Variants in TUSC3 observed in about 807,000 individuals in gnomAD.
TUSC3 encodes tumor suppressor candidate 3.
A neutral mutation model predicts 44.8 loss-of-function variants in TUSC3; 45 were observed. That is an observed-to-expected ratio of 1.00 (90% CI 0.79 to 1.29). The LOEUF (loss-of-function observed/expected upper bound fraction) is 1.29, where lower values mean the gene tolerates loss of function less well. TUSC3 is among the 50% of genes most tolerant of loss of function. The probability of loss-of-function intolerance (pLI) is 0.00; values close to 1 mark genes in which losing one functional copy is unlikely to be tolerated. For synonymous variants in TUSC3, 212 were observed against 152.9 expected (o/e 1.39, Z -2.85); for missense variants, 519 against 437.9 (o/e 1.19, Z -1.65).
At chr8:15,595,730 A>C (rs772552227) in intron 1 of TUSC3, among the ~76,000 whole-genome samples, 15 of 152,174 alleles carry the variant, frequency 9.9e-5, no homozygotes, top group African/African-American at 3.4e-4. Flanking sequence ...GTGTAATACA[A>C]TGTAGCACTT....
intron 7 of TUSC3, among the ~76,000 whole-genome samples, chr8:15,735,497 A>G (rs900291773): frequency 3.3e-5 from 5 of 152,246 alleles, no homozygotes; most frequent in African/African-American, 1.2e-4. Flanking sequence ...GCTTAAGATC[A>G]TAAAGCCAAT....
chr8:15,521,600 C>T lies in TUSC3; in HGVS notation n.189+38117C>T, dbSNP rs1005736525. 5.4e-5 allele frequency among the ~76,000 whole-genome samples: 8 copies of T among 148,028 alleles called. No individual in the cohort carries two copies. The East Asian group carries it at 5.8e-4, about 11-fold the overall frequency. ...CACACATAAAATACAGTAACACAAA[C>T]GATAGGTAATTACCCCCCCCAAAAA... On this transcript the variant is annotated intron_variant and non_coding_transcript_variant, in intron 2 of 5. Transcript: ENST00000503191.
At chr8:15,602,391 A>C (rs1804326970) in intron 1 of TUSC3, among the ~76,000 whole-genome samples, 1 of 151,672 alleles carries the variant, frequency 6.6e-6, no homozygotes. Context: ...GAAAAATACT[A>C]AATAAGTTTT....
chr8:15,668,335 A>T (rs764915960), intron 5 of TUSC3, among the ~76,000 whole-genome samples: 1 of 151,648 alleles, frequency 6.6e-6, no homozygotes, highest in African/African-American at 2.4e-5. Context: ...ACATATTCAC[A>T]TATTGATCAG....
chr8:15,775,458 C>G, the TUSC3 span, among the ~76,000 whole-genome samples: 4,891 of 151,886 alleles, frequency 0.032, 77 homozygotes, highest in African/African-American at 0.046. Flanking sequence ...TTTTATGCTA[C>G]CTGCATTTTA....
At chr8:15,745,818 A>G (rs1188588441) in intron 8 of TUSC3, among the ~76,000 whole-genome samples, 3 of 151,976 alleles carry the variant, frequency 2.0e-5, no homozygotes, top group African/African-American at 7.2e-5. Context: ...TTTTATTTGC[A>G]ATTGCCTTTG....
chr8:15,462,715 T>C (rs1176071655), intron 1 of TUSC3, among the ~76,000 whole-genome samples: 2 of 152,142 alleles, frequency 1.3e-5, no homozygotes, highest in Non-Finnish European at 2.9e-5. Context: ...GTGGTGGTAC[T>C]GATATCTGTT....
chr8:15,516,848 A>T (rs896995298), intron 2 of TUSC3, among the ~76,000 whole-genome samples: 3 of 152,236 alleles, frequency 2.0e-5, no homozygotes, highest in Non-Finnish European at 4.4e-5. Flanking sequence ...AAATGAGTCT[A>T]TGATTTTTAC....
chr8:15,677,752 T>C (rs1220861499), intron 6 of TUSC3, among the ~76,000 whole-genome samples: 1 of 152,092 alleles, frequency 6.6e-6, no homozygotes, highest in African/African-American at 2.4e-5. Context: ...AAGCCAGCAG[T>C]AGGCTTAGTG....
the TUSC3 span, among the ~76,000 whole-genome samples, chr8:15,815,253 C>T: frequency 2.6e-4 from 40 of 151,774 alleles, no homozygotes; most frequent in African/African-American, 8.9e-4. Flanking sequence ...ATAGAGAGAT[C>T]GAAGGGAATT....
intron 1 of TUSC3, among the ~76,000 whole-genome samples, chr8:15,427,676 T>A (rs1237305226): frequency 6.6e-6 from 1 of 152,160 alleles, no homozygotes; most frequent in East Asian, 1.9e-4. Flanking sequence ...GGTCTCACCT[T>A]ATGCCCCTCA....
intron 1 of TUSC3, among the ~76,000 whole-genome samples, chr8:15,617,661 GTTAT>G (rs1303364626): frequency 6.6e-6 from 1 of 152,172 alleles, no homozygotes; most frequent in East Asian, 1.9e-4. Context: ...ACTTGAGTAT[GTTAT>G]TTGTGTACAG....
At chr8:15,574,304 C>T (rs1803005151) in intron 1 of TUSC3, among the ~76,000 whole-genome samples, 1 of 151,984 alleles carries the variant, frequency 6.6e-6, no homozygotes, top group Admixed American at 6.6e-5. Context: ...ATCGTTGCTA[C>T]CAAAAATATA....
At chr8:15,424,675 T>C (rs1234508445) in intron 1 of TUSC3, among the ~76,000 whole-genome samples, 2 of 152,012 alleles carry the variant, frequency 1.3e-5, no homozygotes, top group Non-Finnish European at 2.9e-5. Flanking sequence ...GGTCAGGAGA[T>C]CGAGACTATC....
chr8:15,445,043 A>C (rs1036880189), intron 1 of TUSC3, among the ~76,000 whole-genome samples: 1 of 152,214 alleles, frequency 6.6e-6, no homozygotes, highest in African/African-American at 2.4e-5. Context: ...GAGGAAAAAA[A>C]GCAGATTAAT....
intron 1 of TUSC3, among the ~76,000 whole-genome samples, chr8:15,616,331 A>G (rs564453058): frequency 3.3e-5 from 5 of 152,358 alleles, no homozygotes; most frequent in Non-Finnish European, 7.3e-5. Context: ...TAATCCCAGC[A>G]CTTTGGGAGG....
intron 1 of TUSC3, among the ~76,000 whole-genome samples, chr8:15,544,362 A>G (rs775086677): frequency 2.0e-5 from 3 of 151,748 alleles, no homozygotes; most frequent in Non-Finnish European, 4.4e-5. Context: ...TATTTCCAGT[A>G]CACTTATTGA....
At chr8:15,785,993 G>A in the TUSC3 span, among the ~76,000 whole-genome samples, 1 of 152,112 alleles carries the variant, frequency 6.6e-6, no homozygotes, top group African/African-American at 2.4e-5. Context: ...AACTTAAATA[G>A]GAATTGAGTG....
intron 4 of TUSC3, among the ~76,000 whole-genome samples, chr8:15,661,313 C>T (rs1394436269): frequency 1.3e-5 from 2 of 151,994 alleles, no homozygotes; most frequent in Admixed American, 1.3e-4. Flanking sequence ...TTAGATATTT[C>T]ATTTAATTGT....
Sources: gnomAD v4.1 joint callset for allele counts (sites outside exome capture counted in the v4.1 genomes callset) on GRCh38, gnomAD v4.1.1 for gene constraint, MANE v1.5 for transcripts, NCBI Gene and HGNC (gene_info 2026-07-23, HGNC 2026-07-21) for gene names.